Variants in CRB1 observed in about 807,000 individuals in gnomAD.
The protein encoded by CRB1 is crumbs cell polarity complex component 1.
Under a neutral mutation model 120.0 loss-of-function variants are expected in CRB1, and 83 were observed. The ratio of observed to expected loss-of-function variants is 0.69; its 90% CI spans 0.58 to 0.83. The LOEUF is 0.83. CRB1 is among the 40% of genes least tolerant of loss of function. The probability of loss-of-function intolerance (pLI) is 0.00; values close to 1 mark genes in which losing one functional copy is unlikely to be tolerated. For missense variants in CRB1, 1,699 were observed against 1,687.6 expected, an observed-to-expected ratio of 1.01 and a Z score of -0.12; for synonymous variants, 625 against 612.5, an observed-to-expected ratio of 1.02 and a Z score of -0.30.
chr1:197,234,200 G>A, the CRB1 span, among the ~76,000 whole-genome samples: 72 of 152,290 alleles, frequency 4.7e-4, no homozygotes, highest in Non-Finnish European at 2.2e-4. Flanking sequence ...GGTTCCCCTC[G>A]TCTTGAGTTT....
intron 5 of CRB1, among the ~76,000 whole-genome samples, chr1:197,366,194 C>A (rs1661068417): frequency 6.6e-6 from 1 of 151,898 alleles, no homozygotes; most frequent in Non-Finnish European, 1.5e-5. Context: ...ATTTCCCTTG[C>A]CTTTCTTCCA....
chr1:197,242,248 T>G, the CRB1 span, among the ~76,000 whole-genome samples: 1 of 152,222 alleles, frequency 6.6e-6, no homozygotes, highest in African/African-American at 2.4e-5. Flanking sequence ...CATTCTTGTC[T>G]TCTGTCAGTT....
intron 9 of CRB1, chr1:197,438,069 T>A (rs1476417817): frequency 5.1e-6 from 1 of 195,834 alleles, no homozygotes; most frequent in Non-Finnish European, 1.1e-5. Flanking sequence ...TATGAATTAT[T>A]ACATAGGGAG....
intron 1 of CRB1, among the ~76,000 whole-genome samples, chr1:197,315,118 C>A (rs1657764379): frequency 1.3e-5 from 2 of 152,196 alleles, no homozygotes; most frequent in African/African-American, 4.8e-5. Flanking sequence ...ATGTGTGTTT[C>A]ACATCTAGCA....
intron 2 of CRB1, among the ~76,000 whole-genome samples, chr1:197,340,424 G>A (rs562862217): frequency 2.2e-4 from 34 of 152,288 alleles, no homozygotes; most frequent in African/African-American, 7.9e-4. Context: ...CAGAGACAGG[G>A]AGATAGAGAG....
intron 11 of CRB1, among the ~76,000 whole-genome samples, chr1:197,476,362 TTGTGTGTGTGTGTG>T (rs35012815): frequency 1.4e-5 from 2 of 140,494 alleles, no homozygotes; most frequent in East Asian, 2.3e-4. Context: ...TTATGATTAT[TTGTGTGTGTGTGTG>T]TGTGTGTGTG....
chr1:197,372,421 C>G (rs1301422272), intron 5 of CRB1, among the ~76,000 whole-genome samples: 2 of 152,162 alleles, frequency 1.3e-5, no homozygotes, highest in Non-Finnish European at 2.9e-5. Context: ...CCCCCACATA[C>G]AAACATATAA....
chr1:197,393,520 CA>C (rs1486253933), intron 5 of CRB1, among the ~76,000 whole-genome samples: 2 of 132,234 alleles, frequency 1.5e-5, no homozygotes, highest in African/African-American at 6.1e-5. Flanking sequence ...GAAAAGTAGT[CA>C]TTTTTTTTGA....
At chr1:197,309,493 G>A (rs1290712754) in intron 1 of CRB1, among the ~76,000 whole-genome samples, 3 of 152,072 alleles carry the variant, frequency 2.0e-5, no homozygotes, top group Non-Finnish European at 4.4e-5. Flanking sequence ...TGTGGCTCAC[G>A]CCTGTAATCC....
At chr1:197,454,023 C>T (rs1409987301) in intron 11 of CRB1, among the ~76,000 whole-genome samples, 1 of 146,296 alleles carries the variant, frequency 6.8e-6, no homozygotes, top group Non-Finnish European at 1.5e-5. Context: ...TGAGGTCTCA[C>T]TCATGTTGCC....
At chr1:197,234,827 C>T in the CRB1 span, among the ~76,000 whole-genome samples, 1 of 152,232 alleles carries the variant, frequency 6.6e-6, no homozygotes, top group Admixed American at 6.5e-5. Flanking sequence ...GAGCACAACA[C>T]TGAAACATCC....
At chr1:197,365,595 CCTCCTT>C (rs1179610325) in intron 5 of CRB1, among the ~76,000 whole-genome samples, 67 of 145,646 alleles carry the variant, frequency 4.6e-4, no homozygotes, top group African/African-American at 1.1e-3. Context: ...TTCTCCTTCT[CCTCCTT>C]CTCCTTCTCC....
At chr1:197,210,847 G>A in the CRB1 span, among the ~76,000 whole-genome samples, 1 of 152,044 alleles carries the variant, frequency 6.6e-6, no homozygotes, top group Non-Finnish European at 1.5e-5. Flanking sequence ...ACACACTCTA[G>A]AATCTCTTTC....
At chr1:197,202,846 GAGACAAGCATAATGATT>G in the CRB1 span, among the ~76,000 whole-genome samples, 2 of 152,120 alleles carry the variant, frequency 1.3e-5, 1 homozygote, top group South Asian at 4.2e-4. Context: ...CACATCTCAT[GAGACAAGCATAATGATT>G]ATACCCAAAC....
chr1:197,364,237 G>A (rs1660942698), intron 5 of CRB1, among the ~76,000 whole-genome samples: 1 of 151,954 alleles, frequency 6.6e-6, no homozygotes, highest in Admixed American at 6.6e-5. Flanking sequence ...AACTCAATAT[G>A]TTTGCAAAAA....
At chr1:197,341,903 A>T (rs778045118) in intron 2 of CRB1, among the ~76,000 whole-genome samples, 7 of 152,212 alleles carry the variant, frequency 4.6e-5, no homozygotes, top group Non-Finnish European at 1.0e-4. Context: ...ATTTAACTTC[A>T]GTTTTAAAAG....
At chr1:197,385,529 C>G (rs770941902) in intron 5 of CRB1, among the ~76,000 whole-genome samples, 2 of 151,896 alleles carry the variant, frequency 1.3e-5, no homozygotes, top group Non-Finnish European at 2.9e-5. Flanking sequence ...CCTCAGGGTG[C>G]CAAGTTCAAT....
intron 5 of CRB1, among the ~76,000 whole-genome samples, chr1:197,361,906 T>C (rs1222780435): frequency 6.6e-6 from 1 of 151,960 alleles, no homozygotes; most frequent in Non-Finnish European, 1.5e-5. Context: ...TTTATTTTTC[T>C]AGCTTCTTGA....
intron 2 of CRB1, among the ~76,000 whole-genome samples, chr1:197,343,329 A>G (rs1659577727): frequency 6.6e-6 from 1 of 152,162 alleles, no homozygotes; most frequent in South Asian, 2.1e-4. Context: ...TGTCTTTTAA[A>G]ACCTGTATGC....
Sources: allele counts gnomAD v4.1 joint callset (sites outside exome capture counted in the v4.1 genomes callset), GRCh38; gene constraint gnomAD v4.1.1; transcripts MANE v1.5; gene names NCBI Gene and HGNC (gene_info 2026-07-23, HGNC 2026-07-21).